The following NUBP1 variants were observed in gnomAD, a reference collection of about 807,000 sequenced individuals.
NUBP1 encodes NUBP iron-sulfur cluster assembly factor 1, cytosolic.
In NUBP1, 46 loss-of-function variants were observed where a neutral mutation model predicts 41.8. The ratio of observed to expected loss-of-function variants is 1.10; its 90% CI spans 0.87 to 1.41. The LOEUF is 1.41. Ranked by LOEUF, NUBP1 falls within the 40% of genes most tolerant of loss-of-function variation. NUBP1 has a pLI of 0.00. For synonymous variants in NUBP1, 189 were observed against 154.6 expected (o/e 1.22, Z -1.65); for missense variants, 494 against 414.0 (o/e 1.19, Z -1.68).
In NUBP1 at chr16:10,752,631, A is replaced by G; in HGVS notation, c.280A>G (p.Ile94Val). Residue 94 changes from isoleucine (I) to valine (V), a missense_variant, in exon 4 of 11, where the codon ATA becomes GTA. Coordinates refer to ENST00000283027, the MANE Select transcript of NUBP1 (RefSeq NM_002484.4). ...NTQIALLDID[I>V]CGPSIPKIMG... ...CCAGATTGCTCTTCTAGACATCGAT[A>G]TATGTGGGCCATCGATTCCCAAGAT... 8 of 1,613,726 alleles carry G rather than the reference A, an allele frequency of 5.0e-6. No individual in the cohort carries two copies. The highest frequency in any genetic ancestry group is 6.8e-6 in the Non-Finnish European group (8 of 1,179,766).
At position 10,749,126 on chromosome 16, in the gene NUBP1, TACACACACACACAC is replaced by T. The variant is rs58201009; in HGVS notation, c.258+1881_258+1894del. Reference sequence around the variant, plus strand: ...GGATATAGATAGATACACAGACACATACACACACACACACACACACACACACACACACACACACA... The same window carrying T: ...GGATATAGATAGATACACAGACACATACACACACACACACACACACACACA... On this transcript the variant is annotated intron_variant, in intron 3 of 10. Coordinates refer to ENST00000283027, the MANE Select transcript of NUBP1 (RefSeq NM_002484.4). This position sits in a 1 kb window ranked among gnomAD's most constrained non-coding sequence, Gnocchi z 4.1. 2.0e-4 allele frequency among the ~76,000 whole-genome samples: 24 copies of T among 121,090 alleles called. No individual in the cohort carries two copies. The highest frequency in any genetic ancestry group is 7.2e-4 in the East Asian group (3 of 4,138). The allele number at this position is 121,090 out of a possible 152,430, so 79.4% of individuals were successfully genotyped here.
intron 9 of NUBP1, among the ~76,000 whole-genome samples, chr16:10,764,587 CTA>C (rs1240008374): frequency 6.6e-6 from 1 of 150,542 alleles, no homozygotes; most frequent in Non-Finnish European, 1.5e-5. Flanking sequence ...GTATGTCAGT[CTA>C]TTGGAGCATC....
At chr16:10,756,093 A>C (rs569846586) in intron 5 of NUBP1, among the ~76,000 whole-genome samples, 5 of 152,344 alleles carry the variant, frequency 3.3e-5, no homozygotes, top group African/African-American at 1.2e-4. Context: ...AAGAGAGTTA[A>C]GGAGGCAGGG....
In NUBP1 at chr16:10,759,153, C is replaced by G. The variant is rs945212602; in HGVS notation, c.606+1126C>G. Among the ~76,000 whole-genome samples, 1 of 152,254 alleles carries G rather than the reference C, an allele frequency of 6.6e-6. No homozygotes were observed. The highest frequency in any genetic ancestry group is 2.4e-5 in the African/African-American group (1 of 41,470). On this transcript the variant is annotated intron_variant, in intron 7 of 10. Coordinates refer to ENST00000283027, the MANE Select transcript of NUBP1 (RefSeq NM_002484.4). This position sits in a 1 kb window ranked among gnomAD's most constrained non-coding sequence, Gnocchi z 4.7. Reference sequence around the variant, plus strand: ...ATCCAGCACTCACTGAGCTCTGACTCTGACATGCCGGGCACCAGGGCAGTA... The same window carrying G: ...ATCCAGCACTCACTGAGCTCTGACTGTGACATGCCGGGCACCAGGGCAGTA...
intron 2 of NUBP1, among the ~76,000 whole-genome samples, chr16:10,744,306 G>T (rs1197913725): frequency 6.6e-6 from 1 of 152,222 alleles, no homozygotes; most frequent in East Asian, 1.9e-4. Context: ...GACCTGGCGC[G>T]GATGGAGGGT....
chr16:10,744,351 A>C (rs1161043265), intron 2 of NUBP1, among the ~76,000 whole-genome samples: 2 of 152,198 alleles, frequency 1.3e-5, no homozygotes, highest in African/African-American at 4.8e-5. Flanking sequence ...AAGGGACATT[A>C]ATTAAGAGGG....
intron 7 of NUBP1, 91 bp from the exon 8 acceptor site, chr16:10,761,273 A>G: frequency 8.6e-7 from 1 of 1,164,822 alleles, no homozygotes; most frequent in Non-Finnish European, 1.3e-6. Flanking sequence ...ATGATCGCAG[A>G]TCCACTGCAT....
chr16:10,761,998 C>A lies in NUBP1; in HGVS notation c.820+139C>A, dbSNP rs2142759642. On this transcript the variant is annotated intron_variant, in intron 9 of 10. Transcript: ENST00000283027. ...GGGGCGCTGGAGCCAGACCCACCCT[C>A]CAGCTGGCACCCCAAGAGGCCACCG... is the stretch of plus-strand genomic sequence containing the variant. 6.3e-6 allele frequency: 4 copies of A among 639,166 alleles called. No individual in the cohort carries two copies. In the Admixed American group the frequency reaches 1.2e-4, roughly 19 times the overall value. The allele number at this position is 639,166 out of a possible 1,614,324, so 39.6% of individuals were successfully genotyped here.
rs915835771 is a variant in NUBP1, at chr16:10,757,355, C to T, written c.452-518C>T. Among the ~76,000 whole-genome samples the T allele has an allele frequency of 2.0e-5, 3 of 152,012 alleles. No individual in the cohort carries two copies. The highest frequency in any genetic ancestry group is 7.2e-5 in the African/African-American group (3 of 41,386). On this transcript the variant is annotated intron_variant, in intron 6 of 10. Transcript: ENST00000283027. This position sits in a 1 kb window ranked among gnomAD's most constrained non-coding sequence, Gnocchi z 4.1. ...TGGTTTTATAGTGGCTTATTTGGGT[C>T]AGAGAGGTGAGATCAACAGGAGGTT...
intron 4 of NUBP1, among the ~76,000 whole-genome samples, chr16:10,754,274 C>G (rs1900454399): frequency 6.6e-6 from 1 of 150,824 alleles, no homozygotes. Flanking sequence ...CAGAGTTTCA[C>G]TCTTGTTGCC....
chr16:10,758,978 C>A (rs1197474993), intron 7 of NUBP1, among the ~76,000 whole-genome samples: 1 of 152,144 alleles, frequency 6.6e-6, no homozygotes, highest in Admixed American at 6.5e-5. Flanking sequence ...ATCTCAGGGG[C>A]CTGAGAAACT....
At position 10,744,070 on chromosome 16, in the gene NUBP1, G is replaced by C; in HGVS notation, c.124+5G>C. On this transcript the variant is annotated splice_donor_5th_base_variant and intron_variant, in intron 2 of 10. Transcript: ENST00000283027. Reference sequence around the variant, plus strand: ...CGGGGGCCACTCCGGACACGGGTGAGAAAAGGGCAAGGCCTCAACAGGAAC... The same window carrying C: ...CGGGGGCCACTCCGGACACGGGTGACAAAAGGGCAAGGCCTCAACAGGAAC... 6.5e-7 allele frequency: 1 copy of C among 1,533,390 alleles called. No individual in the cohort carries two copies. The highest frequency in any genetic ancestry group is 8.8e-7 in the Non-Finnish European group (1 of 1,140,638). The allele number at this position is 1,533,390 out of a possible 1,614,324, so 95.0% of individuals were successfully genotyped here.
At chr16:10,755,021 G>C (rs988781086) in intron 4 of NUBP1, among the ~76,000 whole-genome samples, 4 of 152,166 alleles carry the variant, frequency 2.6e-5, no homozygotes, top group Non-Finnish European at 5.9e-5. Flanking sequence ...CTCCAGCCTG[G>C]TCGACAGGGC....
chr16:10,757,991 A>G lies in NUBP1; in HGVS notation c.570A>G (p.Ala190=), dbSNP rs753169595. ...HLSVVRYLAT[A]HIDGAVIITT... ...CGGTCGTCCGGTACCTGGCCACAGCACACATCGATGGAGCAGTGATCATCA... is the reference window on the plus strand; with the variant it reads ...CGGTCGTCCGGTACCTGGCCACAGCGCACATCGATGGAGCAGTGATCATCA... The change falls in exon 7 of 11, where the codon GCA becomes GCG. Residue 190 remains alanine (A), a synonymous_variant. Transcript: ENST00000283027. This position sits in a 1 kb window ranked among gnomAD's most constrained non-coding sequence, Gnocchi z 4.1. 5.0e-6 allele frequency: 8 copies of G among 1,613,934 alleles called. No homozygotes were observed. In the East Asian group the frequency reaches 1.8e-4, roughly 36 times the overall value.
Position 10,767,892 on chromosome 16 carries a change from G to C in NUBP1, c.821-57G>C. On this transcript the variant is annotated intron_variant, in intron 9 of 10. Transcript: ENST00000283027. The surrounding 1 kb of genome is among the most constrained non-coding windows in gnomAD (Gnocchi z 4.6). ...AGCACGGAAAGAGCCCCAAGATCTT[G>C]TGGCCATTCTGTTTTCCTCTTGGAC... 1 of 1,493,238 alleles carries C rather than the reference G, an allele frequency of 6.7e-7. No homozygotes were observed. The highest frequency in any genetic ancestry group is 1.1e-5 in the South Asian group (1 of 88,630). The allele number at this position is 1,493,238 out of a possible 1,614,324, so 92.5% of individuals were successfully genotyped here.
At position 10,768,395 on chromosome 16, in the gene NUBP1, T is replaced by C; in HGVS notation, c.904+363T>C. On this transcript the variant is annotated intron_variant, in intron 10 of 10. Coordinates refer to ENST00000283027, the MANE Select transcript of NUBP1 (RefSeq NM_002484.4). This position sits in a 1 kb window ranked among gnomAD's most constrained non-coding sequence, Gnocchi z 4.3. The stretch of plus-strand genomic sequence containing the variant: ...AGGCAGGCAGATCACTTGAGGCTGG[T>C]CAGGAGTTCAAGACCAGCCTGGCTA... 1 of 171,230 alleles carries C rather than the reference T, an allele frequency of 5.8e-6. No individual in the cohort carries two copies. The highest frequency in any genetic ancestry group is 1.2e-5 in the Non-Finnish European group (1 of 80,530). 10.6% of individuals were successfully genotyped at this position (171,230 alleles called of 1,614,324 possible). A position where few individuals can be genotyped will look rare whatever the true frequency, so the allele number is the denominator to read the frequency against.
At chr16:10,763,419 GC>G (rs1237846466) in intron 9 of NUBP1, 1 of 152,250 alleles carries the variant, frequency 6.6e-6, no homozygotes, top group African/African-American at 2.4e-5. Context: ...GACCCCATGT[GC>G]CCAGGAGGCT....
At chr16:10,752,974 T>C (rs921949873) in intron 4 of NUBP1, among the ~76,000 whole-genome samples, 13 of 152,164 alleles carry the variant, frequency 8.5e-5, no homozygotes, top group Non-Finnish European at 5.9e-5. Flanking sequence ...TTTGTATTTT[T>C]GGTAGAGACC....
intron 2 of NUBP1, 128 bp from the exon 3 acceptor site, chr16:10,747,015 G>A (rs1226172771): frequency 1.2e-5 from 13 of 1,047,694 alleles, no homozygotes; most frequent in Non-Finnish European, 1.8e-5. Flanking sequence ...AGGTATTTCA[G>A]AGGATCGTTT....
Sources: allele counts gnomAD v4.1 joint callset (sites outside exome capture counted in the v4.1 genomes callset), GRCh38; gene constraint gnomAD v4.1.1; non-coding constraint Gnocchi (gnomAD v3.1); transcripts MANE v1.5; gene names NCBI Gene and HGNC (gene_info 2026-07-23, HGNC 2026-07-21).